Variants in FOXP1 observed in about 807,000 individuals in gnomAD.
The protein encoded by FOXP1 is forkhead box protein P1.
In FOXP1, 15 loss-of-function variants were observed where a neutral mutation model predicts 98.2. The ratio of observed to expected loss-of-function variants is 0.15; its 90% CI spans 0.10 to 0.24. The LOEUF (loss-of-function observed/expected upper bound fraction) is 0.24, where lower values mean the gene tolerates loss of function less well. Among genes scored for constraint, FOXP1 ranks in the 10% least tolerant of loss-of-function variants. FOXP1 has a pLI of 1.00. For synonymous variants in FOXP1, 371 were observed against 314.5 expected (o/e 1.18, Z -1.90); for missense variants, 633 against 848.5 (o/e 0.75, Z 3.15).
intron 4 of FOXP1, among the ~76,000 whole-genome samples, chr3:71,348,522 C>T (rs13100622): frequency 0.025 from 1,745 of 69,918 alleles, 44 homozygotes; most frequent in African/African-American, 0.026. Context: ...TGTGTGTGTG[C>T]GTGTGTGTGT....
At chr3:71,044,296 A>C (rs1197906054) in intron 10 of FOXP1, among the ~76,000 whole-genome samples, 1 of 152,232 alleles carries the variant, frequency 6.6e-6, no homozygotes, top group Non-Finnish European at 1.5e-5. Context: ...TACATAGCCA[A>C]GCATGTAATT....
chr3:71,226,202 C>A (rs932424268), intron 5 of FOXP1, among the ~76,000 whole-genome samples: 13 of 152,220 alleles, frequency 8.5e-5, no homozygotes, highest in Admixed American at 2.6e-4. Context: ...ATTGAATCTT[C>A]CCATTTCCTA....
chr3:71,129,820 C>T (rs1171493141), intron 6 of FOXP1, among the ~76,000 whole-genome samples: 1 of 152,196 alleles, frequency 6.6e-6, no homozygotes. Flanking sequence ...AGTCCAAGGG[C>T]TTTTCCTGCT....
At chr3:71,027,208 G>C (rs1257682264) in intron 11 of FOXP1, among the ~76,000 whole-genome samples, 1 of 151,672 alleles carries the variant, frequency 6.6e-6, no homozygotes, top group African/African-American at 2.4e-5. Context: ...GGTCTATGTG[G>C]AACCTTGTCC....
chr3:71,304,222 C>A (rs2074088111), intron 4 of FOXP1, among the ~76,000 whole-genome samples: 1 of 152,162 alleles, frequency 6.6e-6, no homozygotes, highest in Non-Finnish European at 1.5e-5. Flanking sequence ...TGGCAGCCCC[C>A]CACTCACTCC....
intron 6 of FOXP1, among the ~76,000 whole-genome samples, chr3:71,138,119 A>T (rs561202734): frequency 2.7e-4 from 41 of 152,296 alleles, no homozygotes; most frequent in African/African-American, 9.9e-4. Context: ...ACAACTAATG[A>T]GCTCTAGTCC....
intron 2 of FOXP1, among the ~76,000 whole-genome samples, chr3:71,547,364 T>C (rs540009708): frequency 1.8e-4 from 27 of 152,276 alleles, no homozygotes; most frequent in Admixed American, 2.0e-4. Flanking sequence ...CGCTCTTCTT[T>C]GAGGAAAGGA....
chr3:71,579,423 T>C (rs1345012187), intron 2 of FOXP1, among the ~76,000 whole-genome samples: 1 of 152,124 alleles, frequency 6.6e-6, no homozygotes, highest in Non-Finnish European at 1.5e-5. Flanking sequence ...CCTTTAAAAA[T>C]GTAAAGTAGT....
intron 11 of FOXP1, among the ~76,000 whole-genome samples, chr3:71,029,922 T>C (rs903732055): frequency 5.9e-5 from 9 of 152,314 alleles, no homozygotes; most frequent in Admixed American, 4.6e-4. Flanking sequence ...ATAGCTTTAA[T>C]AATAATTAAC....
intron 2 of FOXP1, among the ~76,000 whole-genome samples, chr3:71,510,167 C>A (rs2042101509): frequency 6.7e-6 from 1 of 150,316 alleles, no homozygotes; most frequent in Non-Finnish European, 1.5e-5. Flanking sequence ...GACAACACAG[C>A]AAGACTCTGT....
chr3:71,209,244 T>C (rs780921484), intron 5 of FOXP1, among the ~76,000 whole-genome samples: 2 of 152,160 alleles, frequency 1.3e-5, no homozygotes, highest in Non-Finnish European at 2.9e-5. Flanking sequence ...CTACTAAAGG[T>C]TGGATTTGAA....
intron 5 of FOXP1, among the ~76,000 whole-genome samples, chr3:71,270,028 C>T (rs964029232): frequency 1.3e-5 from 2 of 152,140 alleles, no homozygotes; most frequent in African/African-American, 2.4e-5. Flanking sequence ...GGAGTGGGTT[C>T]GGTTTGTCAC....
At chr3:71,020,374 C>T (rs1187990362) in intron 11 of FOXP1, among the ~76,000 whole-genome samples, 2 of 152,032 alleles carry the variant, frequency 1.3e-5, no homozygotes, top group African/African-American at 2.4e-5. Flanking sequence ...TCAAAGTATA[C>T]CACCCAAGGT....
chr3:71,249,294 C>A (rs1368728697), intron 5 of FOXP1, among the ~76,000 whole-genome samples: 1 of 152,178 alleles, frequency 6.6e-6, no homozygotes, highest in Admixed American at 6.5e-5. Context: ...GGGAATGAAC[C>A]CCAGATCAAT....
At chr3:71,482,549 C>T (rs368393581) in intron 3 of FOXP1, among the ~76,000 whole-genome samples, 5 of 151,592 alleles carry the variant, frequency 3.3e-5, no homozygotes, top group African/African-American at 7.3e-5. Context: ...TACAGCTGTG[C>T]GCCACCATGC....
At chr3:71,187,822 T>C (rs905840616) in intron 6 of FOXP1, among the ~76,000 whole-genome samples, 11 of 152,072 alleles carry the variant, frequency 7.2e-5, no homozygotes, top group African/African-American at 2.4e-4. Context: ...TGAGGAAAGG[T>C]AAGCAATATT....
Position 71,303,277 on chromosome 3 carries a change from C to A in FOXP1, c.-72-3397G>T, listed in dbSNP as rs887155715. Among the ~76,000 whole-genome samples, 4 of 152,128 alleles carry A rather than the reference C, an allele frequency of 2.6e-5. No individual in the cohort carries two copies. The South Asian group carries it at 8.3e-4, about 31-fold the overall frequency. On this transcript the variant is annotated intron_variant, in intron 4 of 20. Coordinates refer to ENST00000649528, the MANE Select transcript of FOXP1 (RefSeq NM_001349338.3). ...ATAGTTCATCTCAATCTTCAGCCTA[C>A]CCAATACTGGCTGAGAACCTATTGT...
chr3:71,252,078 G>C, intron 5 of FOXP1, among the ~76,000 whole-genome samples: 1 of 150,716 alleles, frequency 6.6e-6, no homozygotes, highest in East Asian at 1.9e-4. Flanking sequence ...AAAGATATAA[G>C]GGGAAAATGA....
chr3:71,409,771 T>C (rs1345539300), intron 3 of FOXP1, among the ~76,000 whole-genome samples: 1 of 152,146 alleles, frequency 6.6e-6, no homozygotes, highest in Non-Finnish European at 1.5e-5. Flanking sequence ...CCCAGCACTT[T>C]GGGAGGCTGA....
Sources: gnomAD v4.1 joint callset for allele counts (sites outside exome capture counted in the v4.1 genomes callset) on GRCh38, gnomAD v4.1.1 for gene constraint, MANE v1.5 for transcripts, NCBI Gene and HGNC (gene_info 2026-07-23, HGNC 2026-07-21) for gene names.